PDE4D: variants seen among roughly 807,000 people sequenced by gnomAD.
PDE4D encodes phosphodiesterase 4D, also known as 3',5'-cyclic-AMP phosphodiesterase 4D.
A neutral mutation model predicts 87.4 loss-of-function variants in PDE4D; 24 were observed. The ratio of observed to expected loss-of-function variants is 0.27; its 90% CI spans 0.20 to 0.39. PDE4D has a LOEUF of 0.39. PDE4D is among the 10% of genes least tolerant of loss of function. The pLI is 1.00. For synonymous variants in PDE4D, 384 were observed against 383.2 expected, an observed-to-expected ratio of 1.00 and a Z score of -0.02; for missense variants, 714 against 1,041.0, an observed-to-expected ratio of 0.69 and a Z score of 4.32.
chr5:59,084,022 A>C (rs1336581419), intron 5 of PDE4D, among the ~76,000 whole-genome samples: 1 of 152,112 alleles, frequency 6.6e-6, no homozygotes, highest in Non-Finnish European at 1.5e-5. Flanking sequence ...GATTGTTTGT[A>C]TAATTTAGCA....
At chr5:60,327,219 C>A (rs1756880195) in intron 1 of PDE4D, among the ~76,000 whole-genome samples, 1 of 152,120 alleles carries the variant, frequency 6.6e-6, no homozygotes. Context: ...AGTGGCCAAA[C>A]CTAAATGCTG....
At chr5:59,584,550 G>A (rs1306745011) in intron 1 of PDE4D, among the ~76,000 whole-genome samples, 1 of 152,166 alleles carries the variant, frequency 6.6e-6, no homozygotes, top group Non-Finnish European at 1.5e-5. Context: ...CAGATCTAGA[G>A]GAGCATGAAT....
intron 1 of PDE4D, among the ~76,000 whole-genome samples, chr5:60,319,246 C>G (rs566279344): frequency 6.6e-6 from 1 of 152,310 alleles, no homozygotes; most frequent in East Asian, 1.9e-4. Flanking sequence ...GATCTTCCAT[C>G]ACTGATACCC....
At chr5:59,483,227 A>G (rs1388902718) in intron 1 of PDE4D, among the ~76,000 whole-genome samples, 1 of 152,174 alleles carries the variant, frequency 6.6e-6, no homozygotes, top group Non-Finnish European at 1.5e-5. Context: ...CAGATCTTGG[A>G]ACTTCTCAGT....
intron 1 of PDE4D, among the ~76,000 whole-genome samples, chr5:60,361,625 T>A (rs1159013464): frequency 6.6e-6 from 1 of 152,188 alleles, no homozygotes; most frequent in Non-Finnish European, 1.5e-5. Context: ...GAGTTTTGAG[T>A]TGAAGTGTCA....
intron 3 of PDE4D, among the ~76,000 whole-genome samples, chr5:59,909,559 T>C (rs1366366053): frequency 6.6e-6 from 1 of 152,042 alleles, no homozygotes. Flanking sequence ...CACTTTTGTA[T>C]TTTTTTGTAG....
intron 2 of PDE4D, among the ~76,000 whole-genome samples, chr5:60,017,901 A>G (rs1171642964): frequency 1.3e-5 from 2 of 152,222 alleles, no homozygotes; most frequent in African/African-American, 2.4e-5. Context: ...GAACTAATTT[A>G]CATTCCCAGC....
At chr5:59,640,674 T>C (rs1200199853) in intron 1 of PDE4D, among the ~76,000 whole-genome samples, 1 of 152,182 alleles carries the variant, frequency 6.6e-6, no homozygotes, top group Non-Finnish European at 1.5e-5. Flanking sequence ...AGCATGTCCT[T>C]CCACTACATT....
chr5:59,033,736 TATGTTTCGGAA>T (rs1475898952), intron 6 of PDE4D, among the ~76,000 whole-genome samples: 1 of 152,182 alleles, frequency 6.6e-6, no homozygotes, highest in Non-Finnish European at 1.5e-5. Flanking sequence ...GGGCAATCCT[TATGTTTCGGAA>T]TTTTTTTCGA....
At chr5:60,101,810 A>G (rs62370613) in intron 2 of PDE4D, among the ~76,000 whole-genome samples, 441 of 152,280 alleles carry the variant, frequency 2.9e-3, no homozygotes, top group Non-Finnish European at 5.4e-3. Context: ...TTGTGAATTT[A>G]TGGTGATAGA....
intron 1 of PDE4D, among the ~76,000 whole-genome samples, chr5:60,198,273 A>G (rs1045781220): frequency 2.6e-5 from 4 of 151,422 alleles, no homozygotes; most frequent in African/African-American, 9.7e-5. Flanking sequence ...TCTTAAGGAG[A>G]TATTTTTTTC....
intron 1 of PDE4D, among the ~76,000 whole-genome samples, chr5:59,377,594 A>G (rs1784949820): frequency 6.6e-6 from 1 of 152,198 alleles, no homozygotes; most frequent in Non-Finnish European, 1.5e-5. Context: ...CAAAGGTCTA[A>G]TATCTAGCAT....
At chr5:59,303,498 ATCT>A (rs1770674921) in intron 1 of PDE4D, among the ~76,000 whole-genome samples, 2 of 152,056 alleles carry the variant, frequency 1.3e-5, no homozygotes, top group African/African-American at 4.8e-5. Flanking sequence ...TTCCAAAGTT[ATCT>A]TCTAAAATTT....
At chr5:59,093,986 G>A (rs12108729) in intron 5 of PDE4D, among the ~76,000 whole-genome samples, 10,662 of 152,004 alleles carry the variant, frequency 0.07, 1,269 homozygotes, top group African/African-American at 0.24. Flanking sequence ...TTGGGAGGCT[G>A]AGGTGGGCGG....
At chr5:59,922,002 A>C (rs952378811) in intron 3 of PDE4D, among the ~76,000 whole-genome samples, 2 of 152,132 alleles carry the variant, frequency 1.3e-5, no homozygotes, top group Non-Finnish European at 2.9e-5. Flanking sequence ...ATGCGTCAGC[A>C]GTGGCCACGT....
At chr5:60,104,871 A>T (rs1776692294) in intron 2 of PDE4D, among the ~76,000 whole-genome samples, 1 of 152,212 alleles carries the variant, frequency 6.6e-6, no homozygotes, top group Non-Finnish European at 1.5e-5. Flanking sequence ...GTACATCACC[A>T]TCATCAAAGA....
intron 2 of PDE4D, among the ~76,000 whole-genome samples, chr5:60,057,095 G>A (rs1582425048): frequency 6.6e-6 from 1 of 151,914 alleles, no homozygotes; most frequent in Admixed American, 6.6e-5. Context: ...TCTTCTATTG[G>A]CTCAGGTATA....
At chr5:59,205,415 G>A (rs1239805464) in intron 2 of PDE4D, among the ~76,000 whole-genome samples, 1 of 152,052 alleles carries the variant, frequency 6.6e-6, no homozygotes, top group Non-Finnish European at 1.5e-5. Flanking sequence ...AAAATCCCAA[G>A]GCATGGAAAT....
intron 11 of PDE4D, among the ~76,000 whole-genome samples, chr5:58,987,281 G>A (rs1012632502): frequency 6.6e-6 from 1 of 152,126 alleles, no homozygotes; most frequent in African/African-American, 2.4e-5. Flanking sequence ...CTCATAGGTA[G>A]GTAGAACATG....
Sources: allele counts gnomAD v4.1 joint callset (sites outside exome capture counted in the v4.1 genomes callset), GRCh38; gene constraint gnomAD v4.1.1; transcripts MANE v1.5; gene names NCBI Gene and HGNC (gene_info 2026-07-23, HGNC 2026-07-21).